The following HFM1 variants were observed in gnomAD, a reference collection of about 807,000 sequenced individuals.
HFM1 encodes the protein probable ATP-dependent DNA helicase HFM1.
A neutral mutation model predicts 192.1 loss-of-function variants in HFM1; 169 were observed. The observed-to-expected ratio is 0.88, with a 90% CI of 0.78 to 1.00. The LOEUF (loss-of-function observed/expected upper bound fraction) is 1.00. HFM1 is among the 50% of genes least tolerant of loss of function. HFM1 has a pLI of 0.00. For missense variants in HFM1, 1,661 were observed against 1,668.0 expected (o/e 1.00, Z 0.07); for synonymous variants, 525 against 537.8 (o/e 0.98, Z 0.33).
At chr1:91,394,630 T>C (rs1031252640) in intron 3 of HFM1, among the ~76,000 whole-genome samples, 27 of 152,234 alleles carry the variant, frequency 1.8e-4, no homozygotes, top group South Asian at 8.3e-4. Flanking sequence ...TGTGGAAGTA[T>C]TGAATTAAAT....
At chr1:91,279,881 A>C (rs952497432) in intron 30 of HFM1, among the ~76,000 whole-genome samples, 2 of 152,162 alleles carry the variant, frequency 1.3e-5, no homozygotes, top group Non-Finnish European at 2.9e-5. Context: ...TTACAGAAAA[A>C]ACATAGTGGT....
intron 20 of HFM1, among the ~76,000 whole-genome samples, chr1:91,331,806 G>C (rs1005336094): frequency 2.0e-5 from 3 of 152,206 alleles, no homozygotes; most frequent in Non-Finnish European, 4.4e-5. Context: ...TGAGGCAGGA[G>C]AATCACTTGA....
rs562964441 is a variant in HFM1, at chr1:91,366,749, C to G, written c.1685+8609G>C. On this transcript the variant is annotated intron_variant, in intron 13 of 38. Coordinates refer to ENST00000370425, the MANE Select transcript of HFM1 (RefSeq NM_001017975.6). Reference sequence around the variant, plus strand: ...TCCAACTGAGGTACTGGGTTCATCTCACTGGGGAGTGTCAGATAGCGGGTG... The same window carrying G: ...TCCAACTGAGGTACTGGGTTCATCTGACTGGGGAGTGTCAGATAGCGGGTG... 2.6e-5 allele frequency among the ~76,000 whole-genome samples: 4 copies of G among 152,314 alleles called. No individual in the cohort carries two copies. In the South Asian group the frequency reaches 8.3e-4, roughly 32 times the overall value.
intron 20 of HFM1, among the ~76,000 whole-genome samples, chr1:91,341,972 C>T (rs1359722345): frequency 2.0e-5 from 3 of 151,196 alleles, no homozygotes; most frequent in Non-Finnish European, 4.4e-5. Context: ...AAGAAAAAGC[C>T]CTGGACCAGA....
At chr1:91,389,694 C>T (rs894143624) in intron 4 of HFM1, among the ~76,000 whole-genome samples, 1 of 152,134 alleles carries the variant, frequency 6.6e-6, no homozygotes, top group African/African-American at 2.4e-5. Flanking sequence ...ACCCAATCTA[C>T]AGTATTTCAT....
rs1653354547 is a variant in HFM1, at chr1:91,328,907, G to A, written c.2336-4141C>T. ...GAAGGCTGGCAAAGTCTATCCTGTGGCTACCGAGGACATGGACTGCTTCAC... is the reference window on the plus strand; with the variant it reads ...GAAGGCTGGCAAAGTCTATCCTGTGACTACCGAGGACATGGACTGCTTCAC... On this transcript the variant is annotated intron_variant, in intron 20 of 38. Transcript: ENST00000370425. 7.4e-6 allele frequency: 12 copies of A among 1,611,050 alleles called. No homozygotes were observed. In the Admixed American group the frequency reaches 2.0e-4, roughly 27 times the overall value.
chr1:91,262,338 A>G lies in HFM1; in HGVS notation c.4141T>C (p.Cys1381Arg), dbSNP rs781238872. The G allele has an allele frequency of 5.7e-6, 9 of 1,570,540 alleles. No individual in the cohort carries two copies. ...QNLSPEIEKQ[C>R]FTFSEKNPNS... ...GGGTTTTTTTCAGAGAAAGTAAAGC[A>G]TTGCTTCTCAATCTCTGGTGACAGA... The change falls in exon 38 of 39, where the codon TGC (cysteine) becomes CGC (arginine). Residue 1381 changes from cysteine to arginine, a missense_variant. By Grantham distance (180) the Cys-to-Arg change is radical. Coordinates refer to ENST00000370425, the MANE Select transcript of HFM1 (RefSeq NM_001017975.6).
intron 30 of HFM1, among the ~76,000 whole-genome samples, chr1:91,294,581 G>A (rs1285657313): frequency 6.6e-6 from 1 of 152,122 alleles, no homozygotes; most frequent in African/African-American, 2.4e-5. Flanking sequence ...ATTGTCTATG[G>A]CTGCTTTTGG....
At chr1:91,309,343 G>T (rs914037278) in intron 30 of HFM1, among the ~76,000 whole-genome samples, 2 of 152,132 alleles carry the variant, frequency 1.3e-5, no homozygotes, top group African/African-American at 2.4e-5. Flanking sequence ...TTGTTTTGTA[G>T]ATTTAGTTAC....
intron 5 of HFM1, 107 bp downstream of exon 5, chr1:91,385,468 C>G (rs1327888572): frequency 1.0e-6 from 1 of 960,894 alleles, no homozygotes; most frequent in Non-Finnish European, 1.6e-6. Context: ...AGAAATTGCA[C>G]AGAGAGATAA....
At chr1:91,292,925 C>G (rs1570818201) in intron 30 of HFM1, among the ~76,000 whole-genome samples, 2 of 152,174 alleles carry the variant, frequency 1.3e-5, no homozygotes, top group Middle Eastern at 3.4e-3. Flanking sequence ...TGATCTTTGA[C>G]AAACCCGACA....
intron 30 of HFM1, 43 bp from the exon 31 acceptor site, chr1:91,277,105 T>G: frequency 1.0e-6 from 1 of 983,668 alleles, no homozygotes; most frequent in Non-Finnish European, 1.6e-6. Flanking sequence ...TCACTACATT[T>G]ATTATTGTTA....
rs753653674 is a variant in HFM1, at chr1:91,352,669, A to G, written c.1832-18T>C. 3 of 1,553,212 alleles carry G rather than the reference A, an allele frequency of 1.9e-6. No individual in the cohort carries two copies. In the South Asian group the frequency reaches 3.8e-5, roughly 20 times the overall value. On this transcript the variant is annotated intron_variant, in intron 15 of 38. Coordinates refer to ENST00000370425, the MANE Select transcript of HFM1 (RefSeq NM_001017975.6). ...GGTAGTAACTGCATCAGATTAAGAC[A>G]TAGTAATTTTGAGCCATTTAACTTT...
At chr1:91,373,720 G>A (rs909617314) in intron 13 of HFM1, among the ~76,000 whole-genome samples, 1 of 151,916 alleles carries the variant, frequency 6.6e-6, no homozygotes, top group African/African-American at 2.4e-5. Flanking sequence ...ATGACTGTAA[G>A]CAGCCCAAGG....
chr1:91,299,954 T>C (rs985206624), intron 30 of HFM1, among the ~76,000 whole-genome samples: 2 of 151,698 alleles, frequency 1.3e-5, no homozygotes, highest in South Asian at 4.2e-4. Flanking sequence ...CTGAAGGAAA[T>C]AGAGACACAA....
intron 28 of HFM1, among the ~76,000 whole-genome samples, chr1:91,314,892 GA>G (rs1468175810): frequency 6.6e-6 from 1 of 152,196 alleles, no homozygotes; most frequent in Admixed American, 6.5e-5. Context: ...AGTTACCAGT[GA>G]AAGGGATATC....
chr1:91,308,720 G>A (rs1650003294), intron 30 of HFM1, among the ~76,000 whole-genome samples: 1 of 151,946 alleles, frequency 6.6e-6, no homozygotes. Context: ...TGACACAGTT[G>A]ATTATCAGTC....
At chr1:91,395,338 A>G (rs1012331491) in intron 3 of HFM1, among the ~76,000 whole-genome samples, 29 of 152,190 alleles carry the variant, frequency 1.9e-4, no homozygotes, top group African/African-American at 6.0e-4. Flanking sequence ...AACAAAAATC[A>G]AAACATGTAG....
intron 13 of HFM1, among the ~76,000 whole-genome samples, chr1:91,371,805 A>C (rs1316349457): frequency 6.6e-6 from 1 of 152,146 alleles, no homozygotes; most frequent in African/African-American, 2.4e-5. Flanking sequence ...TAGGCAGCCT[A>C]CAGAATGGGA....
Sources: allele counts gnomAD v4.1 joint callset (sites outside exome capture counted in the v4.1 genomes callset), GRCh38; gene constraint gnomAD v4.1.1; transcripts MANE v1.5; gene names NCBI Gene and HGNC (gene_info 2026-07-23, HGNC 2026-07-21).